Variants in PUS10 observed in about 807,000 individuals in gnomAD.
PUS10 encodes tRNA pseudouridine synthase Pus10.
A neutral mutation model predicts 75.0 loss-of-function variants in PUS10; 59 were observed. That is an observed-to-expected ratio of 0.79 (90% CI 0.64 to 0.98). PUS10 has a LOEUF of 0.98. Among genes scored for constraint, PUS10 ranks in the 50% least tolerant of loss-of-function variants. The pLI, the probability that PUS10 is intolerant of heterozygous loss-of-function variation, is 0.00. For missense variants in PUS10, 650 were observed against 614.4 expected (o/e 1.06, Z -0.61); for synonymous variants, 219 against 211.6 (o/e 1.03, Z -0.30).
chr2:60,962,986 T>C, intron 8 of PUS10, 96 bp from the exon 9 acceptor site: 1 of 1,433,048 alleles, frequency 7.0e-7, no homozygotes, highest in South Asian at 1.4e-5. Context: ...AATTGTATCA[T>C]TTCATTATAT....
Position 61,018,001 on chromosome 2 carries a change from C to A in PUS10, c.-16+7G>T. 1 of 1,329,556 alleles carries A rather than the reference C, an allele frequency of 7.5e-7. No individual in the cohort carries two copies. Among genetic ancestry groups the A allele is most frequent in the Non-Finnish European group, 1.0e-6 (1 of 981,594 alleles). The allele number at this position is 1,329,556 out of a possible 1,614,324, so 82.4% of individuals were successfully genotyped here. On this transcript the variant is annotated splice_region_variant and intron_variant, in intron 1 of 17. Transcript: ENST00000316752. ...GATAGGGGCCGAGGTGGAGCTGGGGCGCTTACCAGTGGGGACTTTAGTGTC... is the reference window on the plus strand; with the variant it reads ...GATAGGGGCCGAGGTGGAGCTGGGGAGCTTACCAGTGGGGACTTTAGTGTC...
chr2:61,005,782 T>A (rs1679170689), intron 4 of PUS10, among the ~76,000 whole-genome samples: 1 of 152,224 alleles, frequency 6.6e-6, no homozygotes, highest in Admixed American at 6.5e-5. Flanking sequence ...CTCTTCTGTA[T>A]CATTCTATCC....
chr2:61,008,609 G>C, intron 3 of PUS10, 152 bp downstream of exon 3: 1 of 608,750 alleles, frequency 1.6e-6, no homozygotes, highest in Non-Finnish European at 2.7e-6. Flanking sequence ...GCAGTCAGCT[G>C]TGATTGTACC....
intron 1 of PUS10, chr2:61,017,475 G>T (rs1680078323): frequency 3.1e-6 from 1 of 320,368 alleles, no homozygotes. Context: ...GACGTCTAGG[G>T]AGTTGTAGCC....
chr2:60,999,962 G>A (rs2104634551), intron 4 of PUS10, among the ~76,000 whole-genome samples: 1 of 152,188 alleles, frequency 6.6e-6, no homozygotes, highest in East Asian at 1.9e-4. Context: ...AAGAGGATGT[G>A]TGTAAGTTAT....
chr2:61,015,212 A>C (rs1160612176), intron 1 of PUS10, among the ~76,000 whole-genome samples: 4 of 152,220 alleles, frequency 2.6e-5, no homozygotes, highest in Non-Finnish European at 5.9e-5. Flanking sequence ...TAAATAATGA[A>C]GATCTGGCCA....
intron 15 of PUS10, among the ~76,000 whole-genome samples, chr2:60,952,265 C>T (rs561436251): frequency 2.0e-4 from 29 of 144,488 alleles, no homozygotes; most frequent in African/African-American, 7.2e-4. Context: ...ACCCAGGAGG[C>T]GGAGGTTGCA....
intron 1 of PUS10, chr2:61,017,407 G>T (rs528033187): frequency 5.1e-6 from 1 of 197,346 alleles, no homozygotes; most frequent in Non-Finnish European, 1.0e-5. Context: ...GAAGGAGTGC[G>T]TGCGGCTTTA....
intron 4 of PUS10, among the ~76,000 whole-genome samples, chr2:60,989,652 G>A (rs1289601854): frequency 6.7e-6 from 1 of 150,044 alleles, no homozygotes; most frequent in Non-Finnish European, 1.5e-5. Flanking sequence ...TTTTTTCTGA[G>A]ACAGAGTTTC....
At chr2:60,951,474 A>G (rs1163754286) in intron 15 of PUS10, among the ~76,000 whole-genome samples, 3 of 152,214 alleles carry the variant, frequency 2.0e-5, no homozygotes, top group Non-Finnish European at 4.4e-5. Flanking sequence ...AGAGGGTCCA[A>G]TCTGGGGATG....
intron 4 of PUS10, among the ~76,000 whole-genome samples, chr2:60,984,398 T>C (rs1007387485): frequency 3.9e-5 from 6 of 152,182 alleles, no homozygotes; most frequent in Non-Finnish European, 7.4e-5. Flanking sequence ...CTTTTGCATA[T>C]AGGTTAGAAA....
chr2:60,967,615 T>C lies in PUS10; in HGVS notation c.504-2A>G, dbSNP rs1235052929. 7 of 1,576,386 alleles carry C rather than the reference T, an allele frequency of 4.4e-6. No homozygotes were observed. The highest frequency in any genetic ancestry group is 1.4e-5 in the African/African-American group (1 of 72,940). On this transcript the variant is annotated splice_acceptor_variant, in intron 5 of 17. Coordinates refer to ENST00000316752, the MANE Select transcript of PUS10 (RefSeq NM_144709.4). LOFTEE classifies it high-confidence loss of function. ...CTTCCCAGCGACAGACTCTGCTTTC[T>C]GAATAACATAAAAATTAATTCACTG...
chr2:60,972,938 A>G (rs1384437362), intron 4 of PUS10, among the ~76,000 whole-genome samples: 2 of 152,180 alleles, frequency 1.3e-5, no homozygotes, highest in Non-Finnish European at 2.9e-5. Context: ...GGCAGTGTGG[A>G]CCGTCCGGAG....
At chr2:60,949,749 AC>A (rs1485331374) in intron 15 of PUS10, among the ~76,000 whole-genome samples, 1 of 152,154 alleles carries the variant, frequency 6.6e-6, no homozygotes, top group Non-Finnish European at 1.5e-5. Context: ...ATTAAAAAAG[AC>A]CCTTTCACCA....
At chr2:60,983,296 G>A (rs995505503) in intron 4 of PUS10, among the ~76,000 whole-genome samples, 2 of 152,112 alleles carry the variant, frequency 1.3e-5, no homozygotes, top group Non-Finnish European at 2.9e-5. Flanking sequence ...CTACAAAATA[G>A]ATAAAAGGAG....
At chr2:60,998,107 C>G (rs1678599165) in intron 4 of PUS10, among the ~76,000 whole-genome samples, 1 of 152,076 alleles carries the variant, frequency 6.6e-6, no homozygotes, top group Non-Finnish European at 1.5e-5. Context: ...TTGACACATT[C>G]TATTTATGAG....
intron 4 of PUS10, among the ~76,000 whole-genome samples, chr2:60,978,063 G>C (rs1337678983): frequency 1.3e-5 from 2 of 152,136 alleles, no homozygotes; most frequent in African/African-American, 4.8e-5. Flanking sequence ...GCATGTAAAG[G>C]ATCCTCGGCT....
At chr2:60,945,328 C>A (rs968547443) in intron 16 of PUS10, among the ~76,000 whole-genome samples, 2 of 152,170 alleles carry the variant, frequency 1.3e-5, no homozygotes, top group Non-Finnish European at 2.9e-5. Context: ...TCAAACTTAC[C>A]AAAAATCATT....
At chr2:60,957,385 A>G (rs1266589536) in intron 11 of PUS10, among the ~76,000 whole-genome samples, 2 of 152,202 alleles carry the variant, frequency 1.3e-5, no homozygotes, top group Non-Finnish European at 2.9e-5. Flanking sequence ...GGCTCATAGC[A>G]TTTATGATGG....
Sources: allele counts gnomAD v4.1 joint callset (sites outside exome capture counted in the v4.1 genomes callset), GRCh38; gene constraint gnomAD v4.1.1; transcripts MANE v1.5; gene names NCBI Gene and HGNC (gene_info 2026-07-23, HGNC 2026-07-21).